The following CSMD1 variants were observed in gnomAD, a reference collection of about 807,000 sequenced individuals.
The protein encoded by CSMD1 is CUB and sushi domain-containing protein 1.
In CSMD1, 213 loss-of-function variants were observed where a neutral mutation model predicts 417.5. The ratio of observed to expected loss-of-function variants is 0.51; its 90% CI spans 0.46 to 0.57. The LOEUF (loss-of-function observed/expected upper bound fraction) is 0.57. Among genes scored for constraint, CSMD1 ranks in the 20% least tolerant of loss-of-function variants. CSMD1 has a pLI of 0.00. For synonymous variants in CSMD1, 2,862 were observed against 1,736.8 expected (o/e 1.65, Z -16.11); for missense variants, 6,923 against 4,529.7 (o/e 1.53, Z -15.17).
intron 3 of CSMD1, among the ~76,000 whole-genome samples, chr8:4,117,419 T>G (rs1802219158): frequency 6.6e-6 from 1 of 151,932 alleles, no homozygotes; most frequent in Admixed American, 6.6e-5. Context: ...TGCCGCAAGG[T>G]AAATACAAGC....
intron 1 of CSMD1, among the ~76,000 whole-genome samples, chr8:4,902,536 C>T (rs77879626): frequency 0.026 from 3,983 of 152,140 alleles, 153 homozygotes; most frequent in African/African-American, 0.081. Context: ...TCAAATTTTA[C>T]ATGAAACATT....
intron 3 of CSMD1, among the ~76,000 whole-genome samples, chr8:4,143,820 C>G (rs13255516): frequency 1.3e-5 from 2 of 150,812 alleles, no homozygotes; most frequent in South Asian, 2.1e-4. Flanking sequence ...CCTAGTTACA[C>G]AGTTTTCTGG....
chr8:4,307,473 G>A (rs1462929325), intron 3 of CSMD1, among the ~76,000 whole-genome samples: 1 of 151,972 alleles, frequency 6.6e-6, no homozygotes, highest in Non-Finnish European at 1.5e-5. Context: ...CATCCCCCAA[G>A]GATATTAACA....
At position 3,353,820 on chromosome 8, in the gene CSMD1, A is replaced by C. The variant is rs777323340; in HGVS notation, c.3304+5332T>G. Among the ~76,000 whole-genome samples, 3 of 152,250 alleles carry C rather than the reference A, an allele frequency of 2.0e-5. No homozygotes were observed. In the South Asian group the frequency reaches 6.2e-4, roughly 31 times the overall value. On this transcript the variant is annotated intron_variant, in intron 21 of 69. Coordinates refer to ENST00000635120, the MANE Select transcript of CSMD1 (RefSeq NM_033225.6). ...TTATAAAAAAGCTACTGAAATGTTA[A>C]CTATAATTGAATTGTCACTTAGATT...
chr8:4,067,725 A>G (rs1464580375), intron 3 of CSMD1, among the ~76,000 whole-genome samples: 1 of 152,168 alleles, frequency 6.6e-6, no homozygotes, highest in African/African-American at 2.4e-5. Flanking sequence ...GTGTAATTTG[A>G]TAAAGGAACG....
At chr8:3,002,551 A>T (rs1277024911) in intron 52 of CSMD1, among the ~76,000 whole-genome samples, 1 of 152,244 alleles carries the variant, frequency 6.6e-6, no homozygotes, top group Admixed American at 6.5e-5. Context: ...GTGGGACCAA[A>T]GGCAATAGTG....
intron 3 of CSMD1, among the ~76,000 whole-genome samples, chr8:4,387,237 T>C (rs1211587231): frequency 3.3e-5 from 5 of 152,214 alleles, no homozygotes; most frequent in African/African-American, 9.6e-5. Context: ...AAATATTTTA[T>C]GCTTCAATTA....
intron 49 of CSMD1, among the ~76,000 whole-genome samples, chr8:3,061,222 G>C (rs1480263725): frequency 6.6e-6 from 1 of 152,074 alleles, no homozygotes. Flanking sequence ...TACCTCCTCA[G>C]CAGGGGTTCT....
At chr8:3,466,162 T>A (rs1816781006) in intron 12 of CSMD1, among the ~76,000 whole-genome samples, 1 of 152,146 alleles carries the variant, frequency 6.6e-6, no homozygotes, top group Non-Finnish European at 1.5e-5. Flanking sequence ...TTTTACTCAG[T>A]TGATTTTTCA....
chr8:4,136,267 A>T (rs900051075), intron 3 of CSMD1, among the ~76,000 whole-genome samples: 1 of 152,242 alleles, frequency 6.6e-6, no homozygotes, highest in Non-Finnish European at 1.5e-5. Context: ...TAACTTGAAC[A>T]CAGTCAGGAA....
intron 3 of CSMD1, among the ~76,000 whole-genome samples, chr8:4,380,191 G>A (rs1803011972): frequency 6.6e-6 from 1 of 152,150 alleles, no homozygotes; most frequent in Admixed American, 6.5e-5. Context: ...AGGGCTCCCA[G>A]TTACTTCTTT....
rs575595747 is a variant in CSMD1, at chr8:4,862,482, G to C, written c.85+131850C>G. Among the ~76,000 whole-genome samples, 6 of 152,234 alleles carry C rather than the reference G, an allele frequency of 3.9e-5. No individual in the cohort carries two copies. In the South Asian group the frequency reaches 1.0e-3, roughly 26 times the overall value. On this transcript the variant is annotated intron_variant, in intron 1 of 69. Transcript: ENST00000635120. ...TTAAAAGTAAAAAGAATGGTTAAAA[G>C]TCTGCAGTGATAAGCAGTGAAATAT...
intron 5 of CSMD1, among the ~76,000 whole-genome samples, chr8:3,912,193 G>C (rs184647848): frequency 3.3e-5 from 5 of 152,270 alleles, no homozygotes; most frequent in Admixed American, 2.0e-4. Context: ...TGATTTCAGA[G>C]AAATCGTTTT....
rs966058658 is a variant in CSMD1 at position 3,945,164 on chromosome 8, G to C, written c.818+52739C>G. ...TTTGAACAATGATTGCCAATAATTT[G>C]ACCATGAGAAAGACAAAAAAAAAAA... On this transcript the variant is annotated intron_variant, in intron 5 of 69. Transcript: ENST00000635120. 1.8e-4 allele frequency among the ~76,000 whole-genome samples: 18 copies of C among 101,092 alleles called. No individual in the cohort carries two copies. The Admixed American group carries it at 2.1e-3, about 12-fold the overall frequency. 66.3% of individuals were successfully genotyped at this position (101,092 alleles called of 152,430 possible).
At chr8:4,301,873 C>G (rs1797998240) in intron 3 of CSMD1, among the ~76,000 whole-genome samples, 1 of 67,596 alleles carries the variant, frequency 1.5e-5, no homozygotes. Flanking sequence ...CAAGCTTCAC[C>G]ATAAATTTGT....
intron 49 of CSMD1, among the ~76,000 whole-genome samples, chr8:3,066,593 TACAG>T (rs1812951360): frequency 6.6e-6 from 1 of 152,204 alleles, no homozygotes; most frequent in Admixed American, 6.5e-5. Flanking sequence ...GAATTTCAAA[TACAG>T]ACAGACAAGA....
chr8:3,605,024 C>G (rs1801540913), intron 8 of CSMD1, among the ~76,000 whole-genome samples: 1 of 152,002 alleles, frequency 6.6e-6, no homozygotes, highest in African/African-American at 2.4e-5. Context: ...TTGTTTTTTT[C>G]TTTTGAGGAG....
intron 18 of CSMD1, among the ~76,000 whole-genome samples, chr8:3,385,625 G>C (rs753627395): frequency 4.1e-4 from 63 of 152,030 alleles, no homozygotes; most frequent in South Asian, 1.7e-3. Flanking sequence ...ATTAATTATG[G>C]TGTTTTCTGT....
intron 2 of CSMD1, among the ~76,000 whole-genome samples, chr8:4,603,005 T>A (rs1394944576): frequency 3.3e-5 from 5 of 151,998 alleles, no homozygotes; most frequent in Non-Finnish European, 7.4e-5. Flanking sequence ...TGAACTATTT[T>A]TAATAATAAA....
Sources: gnomAD v4.1 joint callset for allele counts (sites outside exome capture counted in the v4.1 genomes callset) on GRCh38, gnomAD v4.1.1 for gene constraint, MANE v1.5 for transcripts, NCBI Gene and HGNC (gene_info 2026-07-23, HGNC 2026-07-21) for gene names.